Variants in MAP4K4 observed in about 807,000 individuals in gnomAD.
The protein encoded by MAP4K4 is mitogen-activated protein kinase kinase kinase kinase 4.
A neutral mutation model predicts 189.6 loss-of-function variants in MAP4K4; 38 were observed. That is an observed-to-expected ratio of 0.20 (90% CI 0.15 to 0.26). The LOEUF is 0.26. MAP4K4 is among the 10% of genes least tolerant of loss of function. The pLI is 1.00. For missense variants in MAP4K4, 1,054 were observed against 1,726.9 expected (o/e 0.61, Z 6.91); for synonymous variants, 610 against 624.3 (o/e 0.98, Z 0.34).
chr2:101,797,292 GCTT>G, intron 3 of MAP4K4: 1 of 1,290,802 alleles, frequency 7.7e-7, no homozygotes. Flanking sequence ...CTTCGTACTG[GCTT>G]CTTCTGTTTT....
intron 11 of MAP4K4, 136 bp from the exon 12 acceptor site, chr2:101,843,965 T>G (rs1237279421): frequency 9.8e-6 from 6 of 613,794 alleles, no homozygotes; most frequent in Non-Finnish European, 1.8e-5. Flanking sequence ...TTTCTGTGGA[T>G]GTATTAGTTG....
At chr2:101,745,301 A>G (rs1382585125) in intron 2 of MAP4K4, among the ~76,000 whole-genome samples, 1 of 150,468 alleles carries the variant, frequency 6.6e-6, no homozygotes, top group Non-Finnish European at 1.5e-5. Context: ...AAATTGAATC[A>G]GAAATATGGA....
chr2:101,861,048 G>A lies in MAP4K4; in HGVS notation c.1866+62G>A. 5 of 1,448,524 alleles carry A rather than the reference G, an allele frequency of 3.5e-6. No homozygotes were observed. In the South Asian group the frequency reaches 5.3e-5, roughly 15 times the overall value. The allele number at this position is 1,448,524 out of a possible 1,614,324, so 89.7% of individuals were successfully genotyped here. A position where few individuals can be genotyped will look rare whatever the true frequency, so the allele number is the denominator to read the frequency against. On this transcript the variant is annotated intron_variant, in intron 16 of 32. Coordinates refer to ENST00000324219, the Ensembl canonical transcript of MAP4K4. ...CATGCAACGGCTCGCTGAGCCGCAG[G>A]CCTGCTGTAATATCACAGTTTAGTT...
At chr2:101,813,415 C>G (rs2095547684) in intron 3 of MAP4K4, among the ~76,000 whole-genome samples, 1 of 152,176 alleles carries the variant, frequency 6.6e-6, no homozygotes. Context: ...GGTGGTCACT[C>G]TCCTCAGTGC....
chr2:101,775,240 C>T (rs2083455187), intron 2 of MAP4K4, among the ~76,000 whole-genome samples: 1 of 151,836 alleles, frequency 6.6e-6, no homozygotes, highest in Non-Finnish European at 1.5e-5. Flanking sequence ...CAAAGAACAA[C>T]ATGGGGTGTT....
At chr2:101,729,114 G>GTGTGTGTGTGTC (rs2057195093) in intron 2 of MAP4K4, among the ~76,000 whole-genome samples, 1 of 151,816 alleles carries the variant, frequency 6.6e-6, no homozygotes, top group Admixed American at 6.6e-5. Context: ...GTGTGTGTGT[G>GTGTGTGTGTGTC]TGTGTGTGTG....
At chr2:101,768,066 A>G (rs1265880589) in intron 2 of MAP4K4, among the ~76,000 whole-genome samples, 2 of 152,178 alleles carry the variant, frequency 1.3e-5, no homozygotes, top group African/African-American at 2.4e-5. Flanking sequence ...TTATTTGTAT[A>G]CTTCCTTTTT....
intron 5 of MAP4K4, among the ~76,000 whole-genome samples, chr2:101,826,142 A>G (rs1242698584): frequency 6.6e-6 from 1 of 152,116 alleles, no homozygotes; most frequent in Non-Finnish European, 1.5e-5. Flanking sequence ...ACTTGGTTGC[A>G]TTTCATTTAC....
chr2:101,770,240 A>ATTT (rs34574782), intron 2 of MAP4K4, among the ~76,000 whole-genome samples: 188 of 75,178 alleles, frequency 2.5e-3, no homozygotes, highest in East Asian at 3.1e-3. Flanking sequence ...GTTCATTCTG[A>ATTT]TTTTTTTTTT....
At chr2:101,876,945 A>G (rs904672872) in intron 26 of MAP4K4, 58 bp from the exon 27 acceptor site, 3 of 1,579,190 alleles carry the variant, frequency 1.9e-6, no homozygotes, top group Middle Eastern at 1.7e-4. Flanking sequence ...TTTCTATACA[A>G]CCTGGGGATT....
chr2:101,720,383 C>T (rs2051134254), intron 2 of MAP4K4, among the ~76,000 whole-genome samples: 1 of 151,952 alleles, frequency 6.6e-6, no homozygotes, highest in African/African-American at 2.4e-5. Flanking sequence ...ACCATGTTGG[C>T]CAGGCTGGAT....
At chr2:101,858,122 C>T (rs1471684758) in intron 13 of MAP4K4, among the ~76,000 whole-genome samples, 1 of 152,128 alleles carries the variant, frequency 6.6e-6, no homozygotes, top group Non-Finnish European at 1.5e-5. Flanking sequence ...TTTGGATGCT[C>T]ATTTCTCAAA....
intron 2 of MAP4K4, among the ~76,000 whole-genome samples, chr2:101,748,904 T>G (rs1425145163): frequency 7.1e-6 from 1 of 141,642 alleles, no homozygotes; most frequent in African/African-American, 2.7e-5. Context: ...GAACTCCCAT[T>G]CACAATTGCT....
intron 1 of MAP4K4, 30 bp downstream of exon 1, chr2:101,698,167 G>GAGAGGGC: frequency 1.0e-6 from 1 of 1,002,436 alleles, no homozygotes; most frequent in Non-Finnish European, 1.3e-6. Context: ...GGCGCGCGGG[G>GAGAGGGC]AGCGGGCAGC....
intron 26 of MAP4K4, 132 bp from the exon 27 acceptor site, chr2:101,876,871 A>T: frequency 2.4e-6 from 2 of 816,644 alleles, no homozygotes; most frequent in Non-Finnish European, 3.9e-6. Context: ...TGACTATTTT[A>T]AGGATTTCTG....
intron 3 of MAP4K4, among the ~76,000 whole-genome samples, chr2:101,817,670 T>A (rs935977559): frequency 5.9e-5 from 9 of 152,176 alleles, no homozygotes; most frequent in Non-Finnish European, 1.2e-4. Context: ...AAAAGTTCTA[T>A]GTTGTGCTTT....
chr2:101,721,837 C>T (rs2052302774), intron 2 of MAP4K4, among the ~76,000 whole-genome samples: 2 of 152,186 alleles, frequency 1.3e-5, no homozygotes, highest in African/African-American at 4.8e-5. Context: ...GGTGTGTTTT[C>T]TTCAGCTTTC....
At position 101,872,891 on chromosome 2, in the gene MAP4K4, G is replaced by A. The variant is rs139347425; in HGVS notation, c.2953-756G>A. On this transcript the variant is annotated intron_variant, in intron 24 of 32. Transcript: ENST00000324219. ...TATATTTTAAACTTTGCTCCATTTCGCTCTAATGTGCAGTATTTTACTATA... is the reference window on the plus strand; with the variant it reads ...TATATTTTAAACTTTGCTCCATTTCACTCTAATGTGCAGTATTTTACTATA... Among the ~76,000 whole-genome samples the A allele has an allele frequency of 2.0e-4, 31 of 152,184 alleles. 1 individual carries two copies. The highest frequency in any genetic ancestry group is 1.2e-3 in the East Asian group (6 of 5,184).
chr2:101,825,688 A>G (rs929234656), intron 5 of MAP4K4, among the ~76,000 whole-genome samples: 5 of 152,162 alleles, frequency 3.3e-5, no homozygotes, highest in Non-Finnish European at 5.9e-5. Flanking sequence ...TGACATACCT[A>G]TTGGCAGCTT....
Sources: allele counts gnomAD v4.1 joint callset (sites outside exome capture counted in the v4.1 genomes callset), GRCh38; gene constraint gnomAD v4.1.1; transcripts MANE v1.5; gene names NCBI Gene and HGNC (gene_info 2026-07-23, HGNC 2026-07-21).